Variants in ANKS1B observed in about 807,000 individuals in gnomAD.
ANKS1B encodes ankyrin repeat and sterile alpha motif domain containing 1B, also known as ankyrin repeat and sterile alpha motif domain-containing protein 1B.
Under a neutral mutation model 148.3 loss-of-function variants are expected in ANKS1B, and 36 were observed. That is an observed-to-expected ratio of 0.24 (90% confidence interval 0.19 to 0.32). ANKS1B has a LOEUF of 0.32. ANKS1B is among the 10% of genes least tolerant of loss of function. ANKS1B has a pLI of 1.00. For missense variants in ANKS1B, 1,157 were observed against 1,542.6 expected, an observed-to-expected ratio of 0.75 and a Z score of 4.19; for synonymous variants, 542 against 560.8, an observed-to-expected ratio of 0.97 and a Z score of 0.47.
chr12:99,218,378 T>C (rs183164886), intron 14 of ANKS1B, among the ~76,000 whole-genome samples: 3 of 152,270 alleles, frequency 2.0e-5, no homozygotes, highest in Admixed American at 6.5e-5. Flanking sequence ...TACGAATTCA[T>C]AGAACAGAAC....
At chr12:99,259,287 G>A (rs2075664830) in intron 12 of ANKS1B, among the ~76,000 whole-genome samples, 1 of 152,202 alleles carries the variant, frequency 6.6e-6, no homozygotes, top group Admixed American at 6.5e-5. Flanking sequence ...TTAGCCCAAA[G>A]ATTGCTGGTA....
intron 16 of ANKS1B, among the ~76,000 whole-genome samples, chr12:99,070,814 C>T (rs932031751): frequency 3.3e-5 from 5 of 152,082 alleles, no homozygotes; most frequent in African/African-American, 1.2e-4. Context: ...TAGGTGTGTA[C>T]CACCATGCCT....
intron 1 of ANKS1B, among the ~76,000 whole-genome samples, chr12:99,898,543 G>C (rs2093469053): frequency 6.6e-6 from 1 of 152,050 alleles, no homozygotes; most frequent in African/African-American, 2.4e-5. Flanking sequence ...TGGTTTAAAA[G>C]AAAAAAAGCC....
At position 98,949,124 on chromosome 12, in the gene ANKS1B, T is replaced by C. The variant is rs188585100; in HGVS notation, c.2778+104033A>G. Among the ~76,000 whole-genome samples the C allele has an allele frequency of 1.4e-4, 21 of 151,908 alleles. No homozygotes were observed. In the East Asian group the frequency reaches 2.5e-3, roughly 18 times the overall value. On this transcript the variant is annotated intron_variant, in intron 17 of 26. Coordinates refer to ENST00000683438, the MANE Select transcript of ANKS1B (RefSeq NM_001352186.2). ...CGTGCCAACACACCCAGCTAATTTT[T>C]TGTATTTTTAGTAGAGTCAGGGTTT... is the stretch of plus-strand genomic sequence containing the variant.
Position 99,584,629 on chromosome 12 carries a change from C to T in ANKS1B, c.1272+70438G>A, listed in dbSNP as rs183029293. On this transcript the variant is annotated intron_variant, in intron 9 of 26. Coordinates refer to ENST00000683438, the MANE Select transcript of ANKS1B (RefSeq NM_001352186.2). Reference sequence around the variant, plus strand: ...AAATATATATATATATCTGTTCTCACGCTGCTAATTAAGATATACCCATTT... The same window carrying T: ...AAATATATATATATATCTGTTCTCATGCTGCTAATTAAGATATACCCATTT... 4.3e-4 allele frequency among the ~76,000 whole-genome samples: 66 copies of T among 152,104 alleles called. 2 individuals carry two copies. The East Asian group carries it at 7.2e-3, about 16-fold the overall frequency.
intron 1 of ANKS1B, among the ~76,000 whole-genome samples, chr12:99,928,525 G>T (rs1197330997): frequency 6.6e-6 from 1 of 151,730 alleles, no homozygotes; most frequent in African/African-American, 2.4e-5. Flanking sequence ...TGATCCACCC[G>T]CCTCGGCCTC....
intron 11 of ANKS1B, among the ~76,000 whole-genome samples, chr12:99,420,387 G>C (rs2095045759): frequency 6.6e-6 from 1 of 152,174 alleles, no homozygotes; most frequent in South Asian, 2.1e-4. Flanking sequence ...AGAAAGATGT[G>C]ACAATATAAG....
intron 9 of ANKS1B, among the ~76,000 whole-genome samples, chr12:99,543,148 C>A (rs901425667): frequency 6.6e-6 from 1 of 151,852 alleles, no homozygotes; most frequent in African/African-American, 2.4e-5. Flanking sequence ...ACAAATTATC[C>A]AATTTAAAAG....
intron 10 of ANKS1B, among the ~76,000 whole-genome samples, chr12:99,464,284 C>T (rs1206349492): frequency 1.3e-5 from 2 of 152,094 alleles, no homozygotes. Flanking sequence ...CACCAAAAAC[C>T]CATCTGTACA....
chr12:99,369,239 C>T (rs1358586922), intron 12 of ANKS1B, among the ~76,000 whole-genome samples: 1 of 152,126 alleles, frequency 6.6e-6, no homozygotes, highest in Non-Finnish European at 1.5e-5. Context: ...CATACTCTTG[C>T]CAAATGCTTA....
chr12:99,472,588 C>A (rs946903181), intron 10 of ANKS1B, among the ~76,000 whole-genome samples: 25 of 152,114 alleles, frequency 1.6e-4, no homozygotes, highest in African/African-American at 5.5e-4. Flanking sequence ...ACATAGAGTT[C>A]CACTTTATTA....
At chr12:99,706,145 T>C (rs1048769075) in intron 8 of ANKS1B, among the ~76,000 whole-genome samples, 2 of 152,036 alleles carry the variant, frequency 1.3e-5, no homozygotes, top group South Asian at 2.1e-4. Flanking sequence ...GGTACTGTTA[T>C]AGTAAGCGGT....
intron 15 of ANKS1B, among the ~76,000 whole-genome samples, chr12:99,118,892 G>T (rs557949722): frequency 6.6e-6 from 1 of 152,230 alleles, no homozygotes; most frequent in South Asian, 2.1e-4. Flanking sequence ...TGTATGTTCA[G>T]AAGTATTGGA....
intron 17 of ANKS1B, among the ~76,000 whole-genome samples, chr12:98,865,299 C>A (rs1348679532): frequency 6.6e-6 from 1 of 152,166 alleles, no homozygotes; most frequent in Non-Finnish European, 1.5e-5. Flanking sequence ...CTTGCTTAGT[C>A]CCTGTTGTGA....
intron 9 of ANKS1B, among the ~76,000 whole-genome samples, chr12:99,627,317 CAA>C (rs971602118): frequency 2.4e-4 from 36 of 152,118 alleles, no homozygotes; most frequent in African/African-American, 8.2e-4. Flanking sequence ...GTAATTAAAA[CAA>C]AAAGAGAAAT....
intron 12 of ANKS1B, among the ~76,000 whole-genome samples, chr12:99,346,380 C>CAT (rs2090684570): frequency 6.9e-6 from 1 of 145,594 alleles, no homozygotes; most frequent in Non-Finnish European, 1.5e-5. Context: ...CTCTCACACA[C>CAT]GCACACACAC....
intron 11 of ANKS1B, among the ~76,000 whole-genome samples, chr12:99,408,859 G>A (rs1445235622): frequency 1.4e-5 from 2 of 145,782 alleles, no homozygotes; most frequent in Admixed American, 1.4e-4. Context: ...ACAAATGCTG[G>A]CAAGGATGTA....
intron 12 of ANKS1B, among the ~76,000 whole-genome samples, chr12:99,374,815 T>C (rs1293562540): frequency 1.3e-5 from 2 of 152,244 alleles, no homozygotes; most frequent in Admixed American, 6.5e-5. Context: ...TGGGTTTCAA[T>C]GTGAATTTGT....
intron 12 of ANKS1B, among the ~76,000 whole-genome samples, chr12:99,334,151 T>TAGAC (rs750913591): frequency 0.023 from 3,465 of 150,212 alleles, 85 homozygotes; most frequent in African/African-American, 0.062. Context: ...GATAGATAGA[T>TAGAC]AGACAGACAG....
Sources: gnomAD v4.1 joint callset for allele counts (sites outside exome capture counted in the v4.1 genomes callset) on GRCh38, gnomAD v4.1.1 for gene constraint, MANE v1.5 for transcripts, NCBI Gene and HGNC (gene_info 2026-07-23, HGNC 2026-07-21) for gene names.